The following SLC39A11 variants were observed in gnomAD, a reference collection of about 807,000 sequenced individuals.
SLC39A11 encodes the protein zinc transporter ZIP11.
In SLC39A11, 33 loss-of-function variants were observed where a neutral mutation model predicts 36.1. The observed-to-expected ratio is 0.91, with a 90% CI of 0.69 to 1.22. SLC39A11 has a LOEUF of 1.22. Ranked by LOEUF, SLC39A11 falls within the 50% of genes most tolerant of loss-of-function variation. The pLI, the probability that SLC39A11 is intolerant of heterozygous loss-of-function variation, is 0.00. For missense variants in SLC39A11, 432 were observed against 430.3 expected (o/e 1.00, Z -0.03); for synonymous variants, 166 against 170.3 (o/e 0.97, Z 0.20).
intron 5 of SLC39A11, among the ~76,000 whole-genome samples, chr17:72,898,948 C>T (rs1282018520): frequency 6.6e-6 from 1 of 152,218 alleles, no homozygotes; most frequent in Non-Finnish European, 1.5e-5. Context: ...CTATGCAAGA[C>T]TCAGCCTGAA....
intron 5 of SLC39A11, among the ~76,000 whole-genome samples, chr17:72,912,852 C>T (rs1417963111): frequency 2.0e-5 from 3 of 152,158 alleles, no homozygotes; most frequent in Non-Finnish European, 2.9e-5. Flanking sequence ...CCCTGAGCTG[C>T]GCCCCCTTCT....
At chr17:72,690,244 G>A (rs2071962772) in intron 7 of SLC39A11, among the ~76,000 whole-genome samples, 1 of 152,212 alleles carries the variant, frequency 6.6e-6, no homozygotes, top group South Asian at 2.1e-4. Context: ...TGCCTGTGTT[G>A]GTGTTGGGAT....
chr17:72,920,342 C>CG (rs954520489), intron 5 of SLC39A11, among the ~76,000 whole-genome samples: 1 of 150,546 alleles, frequency 6.6e-6, no homozygotes, highest in Non-Finnish European at 1.5e-5. Context: ...TTTATTTCCC[C>CG]CTTCCTCTTC....
chr17:72,943,060 A>G (rs2085212915), intron 5 of SLC39A11, among the ~76,000 whole-genome samples: 1 of 152,210 alleles, frequency 6.6e-6, no homozygotes, highest in South Asian at 2.1e-4. Flanking sequence ...GGAGAAAGGG[A>G]TGATTCCAAA....
intron 4 of SLC39A11, among the ~76,000 whole-genome samples, chr17:72,952,215 A>C (rs1180286266): frequency 6.6e-6 from 1 of 152,198 alleles, no homozygotes; most frequent in Admixed American, 6.5e-5. Context: ...AAACCTCCAC[A>C]TGCCTCTGAT....
intron 4 of SLC39A11, among the ~76,000 whole-genome samples, chr17:72,967,914 C>A (rs1290592257): frequency 1.3e-5 from 2 of 152,208 alleles, no homozygotes; most frequent in African/African-American, 4.8e-5. Flanking sequence ...AGTCTCAGTT[C>A]TTTTCCACCC....
chr17:73,014,139 C>A (rs2090679732), intron 4 of SLC39A11, among the ~76,000 whole-genome samples: 1 of 152,168 alleles, frequency 6.6e-6, no homozygotes, highest in East Asian at 1.9e-4. Context: ...ACAGAATGCA[C>A]CTAAATCAAC....
chr17:73,001,452 T>C (rs980265282), intron 4 of SLC39A11, among the ~76,000 whole-genome samples: 21 of 146,380 alleles, frequency 1.4e-4, no homozygotes, highest in African/African-American at 4.2e-4. Context: ...TTAGGAGATA[T>C]ACCTAATGCT....
chr17:73,064,408 T>C (rs1485676186), intron 3 of SLC39A11, among the ~76,000 whole-genome samples: 3 of 152,172 alleles, frequency 2.0e-5, no homozygotes, highest in Non-Finnish European at 2.9e-5. Flanking sequence ...TGACTGAATT[T>C]ATCCTCCCAC....
At chr17:72,815,479 T>C (rs2077552794) in intron 6 of SLC39A11, among the ~76,000 whole-genome samples, 1 of 151,706 alleles carries the variant, frequency 6.6e-6, no homozygotes, top group Non-Finnish European at 1.5e-5. Context: ...TAGCAGGTCA[T>C]GGTGGCAGGT....
intron 5 of SLC39A11, among the ~76,000 whole-genome samples, chr17:72,880,450 T>G (rs1256014232): frequency 1.3e-5 from 2 of 151,996 alleles, no homozygotes; most frequent in African/African-American, 4.8e-5. Context: ...TGCATGCCTG[T>G]GGTCACAGCT....
At chr17:72,956,995 G>A (rs1178665160) in intron 4 of SLC39A11, among the ~76,000 whole-genome samples, 2 of 151,994 alleles carry the variant, frequency 1.3e-5, no homozygotes, top group East Asian at 1.9e-4. Flanking sequence ...GGGCTGGATG[G>A]TCTAAGATGG....
intron 7 of SLC39A11, among the ~76,000 whole-genome samples, chr17:72,691,941 G>A (rs748327048): frequency 4.6e-5 from 7 of 151,994 alleles, no homozygotes; most frequent in South Asian, 2.1e-4. Flanking sequence ...AACGGGACTC[G>A]CCTGCTGAAC....
chr17:73,027,757 G>A (rs1168267187), intron 4 of SLC39A11, among the ~76,000 whole-genome samples: 1 of 152,182 alleles, frequency 6.6e-6, no homozygotes, highest in Non-Finnish European at 1.5e-5. Context: ...AACCAGGGTG[G>A]GTGGCTCTGA....
intron 5 of SLC39A11, among the ~76,000 whole-genome samples, chr17:72,904,527 GGGCCACTCTGA>G (rs1176366528): frequency 2.0e-5 from 3 of 152,160 alleles, no homozygotes; most frequent in Non-Finnish European, 4.4e-5. Flanking sequence ...AGCAGGTGCA[GGGCCACTCTGA>G]GGAATGTGGT....
rs548865847 is a variant in SLC39A11, at chr17:72,900,204, A to G, written c.430+47548T>C. Among the ~76,000 whole-genome samples the G allele has an allele frequency of 1.6e-3, 225 of 137,670 alleles. 28 individuals carry two copies. The highest frequency in any genetic ancestry group is 6.2e-3 in the African/African-American group (213 of 34,234). The allele number at this position is 137,670 out of a possible 152,430, so 90.3% of individuals were successfully genotyped here. ...AAGAAAGAAAGAAAGAAAGAAAGAA[A>G]GAAAGAAAGAAAGAAAGAAAGAAAG... On this transcript the variant is annotated intron_variant, in intron 5 of 9. Transcript: ENST00000255559.
At chr17:72,868,017 T>C (rs2080396879) in intron 5 of SLC39A11, among the ~76,000 whole-genome samples, 1 of 152,198 alleles carries the variant, frequency 6.6e-6, no homozygotes, top group Non-Finnish European at 1.5e-5. Flanking sequence ...ATCAGATATT[T>C]TCTTAGTCTT....
chr17:73,014,090 A>G (rs1464166738), intron 4 of SLC39A11, among the ~76,000 whole-genome samples: 1 of 152,096 alleles, frequency 6.6e-6, no homozygotes, highest in East Asian at 1.9e-4. Context: ...TAGTTCCCTT[A>G]ACCCATCCTC....
intron 5 of SLC39A11, among the ~76,000 whole-genome samples, chr17:72,878,299 C>G (rs2081024324): frequency 1.3e-5 from 2 of 152,150 alleles, no homozygotes; most frequent in South Asian, 4.1e-4. Flanking sequence ...CTTCTGCTAC[C>G]ATCTTGGAAA....
Sources: gnomAD v4.1 joint callset for allele counts (sites outside exome capture counted in the v4.1 genomes callset) on GRCh38, gnomAD v4.1.1 for gene constraint, MANE v1.5 for transcripts, NCBI Gene and HGNC (gene_info 2026-07-23, HGNC 2026-07-21) for gene names.